The following MYRIP variants were observed in gnomAD, a reference collection of about 807,000 sequenced individuals.
MYRIP encodes the protein myosin VIIA and Rab interacting protein.
In MYRIP, 49 loss-of-function variants were observed where a neutral mutation model predicts 98.0. The ratio of observed to expected loss-of-function variants is 0.50; its 90% CI spans 0.40 to 0.63. The LOEUF (loss-of-function observed/expected upper bound fraction) is 0.63, where lower values mean the gene tolerates loss of function less well. Among genes scored for constraint, MYRIP ranks in the 30% least tolerant of loss-of-function variants. The probability of loss-of-function intolerance (pLI) is 0.00; values close to 1 mark genes in which losing one functional copy is unlikely to be tolerated. For synonymous variants in MYRIP, 404 were observed against 409.5 expected (o/e 0.99, Z 0.16); for missense variants, 1,004 against 1,058.2 (o/e 0.95, Z 0.71).
chr3:39,861,562 A>C (rs1416506811), intron 1 of MYRIP, among the ~76,000 whole-genome samples: 1 of 152,210 alleles, frequency 6.6e-6, no homozygotes, highest in African/African-American at 2.4e-5. Context: ...ATTCAGGAGA[A>C]AGTTGAAACC....
At chr3:39,839,542 G>C (rs1236244649) in intron 1 of MYRIP, among the ~76,000 whole-genome samples, 1 of 152,112 alleles carries the variant, frequency 6.6e-6, no homozygotes, top group Non-Finnish European at 1.5e-5. Flanking sequence ...ACAAGCATGG[G>C]CCACCGCGCC....
intron 2 of MYRIP, among the ~76,000 whole-genome samples, chr3:39,957,853 G>A (rs1322695717): frequency 1.3e-5 from 2 of 152,120 alleles, no homozygotes; most frequent in East Asian, 3.9e-4. Flanking sequence ...AAATCAATGT[G>A]CAACAATCAC....
intron 1 of MYRIP, among the ~76,000 whole-genome samples, chr3:39,827,083 A>G (rs927833763): frequency 1.3e-5 from 2 of 151,992 alleles, no homozygotes; most frequent in Non-Finnish European, 2.9e-5. Flanking sequence ...TACAGCATAT[A>G]GTAGGGTTTT....
chr3:40,134,263 C>T (rs1357813345), intron 3 of MYRIP, among the ~76,000 whole-genome samples: 5 of 152,178 alleles, frequency 3.3e-5, no homozygotes, highest in Admixed American at 3.3e-4. Context: ...GAGGGTCCTA[C>T]ACCCACGGAG....
At chr3:39,920,880 C>T (rs1035775825) in intron 2 of MYRIP, among the ~76,000 whole-genome samples, 1 of 152,180 alleles carries the variant, frequency 6.6e-6, no homozygotes, top group Non-Finnish European at 1.5e-5. Context: ...AAGGGCCAGT[C>T]CTCCTATACC....
At chr3:40,175,771 G>C (rs1035153743) in intron 8 of MYRIP, among the ~76,000 whole-genome samples, 1 of 152,258 alleles carries the variant, frequency 6.6e-6, no homozygotes, top group Non-Finnish European at 1.5e-5. Flanking sequence ...TGCCAGGAGA[G>C]TGAACCCAAA....
At chr3:40,212,519 A>T (rs552858186) in intron 11 of MYRIP, among the ~76,000 whole-genome samples, 1 of 152,150 alleles carries the variant, frequency 6.6e-6, no homozygotes, top group Non-Finnish European at 1.5e-5. Flanking sequence ...CCATAATCCC[A>T]GCACTTTGGG....
chr3:40,197,530 G>A (rs963606686), intron 10 of MYRIP, among the ~76,000 whole-genome samples: 1 of 152,230 alleles, frequency 6.6e-6, no homozygotes, highest in African/African-American at 2.4e-5. Context: ...TAATGCAAGT[G>A]TAATTCTGTA....
At chr3:40,019,789 A>G (rs1946951099) in intron 2 of MYRIP, among the ~76,000 whole-genome samples, 1 of 152,128 alleles carries the variant, frequency 6.6e-6, no homozygotes, top group Admixed American at 6.6e-5. Context: ...CATTAGCACA[A>G]TACCATTACC....
chr3:39,820,382 T>TTTG (rs1575271639), intron 1 of MYRIP, among the ~76,000 whole-genome samples: 1 of 151,008 alleles, frequency 6.6e-6, no homozygotes, highest in African/African-American at 2.4e-5. Context: ...TACATGATGG[T>TTTG]TTTGTTTGTT....
intron 2 of MYRIP, chr3:39,970,121 A>T (rs548122516): frequency 6.6e-6 from 1 of 152,028 alleles, no homozygotes; most frequent in South Asian, 2.1e-4. Flanking sequence ...TTAACAATAG[A>T]TGGAGCTTCA....
intron 1 of MYRIP, among the ~76,000 whole-genome samples, chr3:39,852,361 C>A (rs549900111): frequency 9.1e-4 from 139 of 152,300 alleles, no homozygotes; most frequent in South Asian, 3.9e-3. Flanking sequence ...AATGACAGGC[C>A]TCAGCCTGTG....
intron 3 of MYRIP, among the ~76,000 whole-genome samples, chr3:40,068,299 A>G (rs1055065122): frequency 1.3e-5 from 2 of 152,242 alleles, no homozygotes; most frequent in African/African-American, 4.8e-5. Context: ...ACCAATGTCA[A>G]GTTCTCTCAT....
At chr3:40,040,842 GA>G (rs1947497413) in intron 2 of MYRIP, among the ~76,000 whole-genome samples, 1 of 47,452 alleles carries the variant, frequency 2.1e-5, no homozygotes, top group Non-Finnish European at 4.9e-5. Flanking sequence ...GGGGTCGGGG[GA>G]GGGGGGAGGG....
intron 3 of MYRIP, among the ~76,000 whole-genome samples, chr3:40,077,523 G>T (rs1330762713): frequency 6.7e-6 from 1 of 150,158 alleles, no homozygotes; most frequent in Non-Finnish European, 1.5e-5. Context: ...TGGACACAAA[G>T]GTTCTCCAAG....
In MYRIP at chr3:40,134,022, CGGACAGTGGGTGCA is replaced by C. The variant is rs1949704857; in HGVS notation, c.333-17018_333-17005del. 2.6e-5 allele frequency among the ~76,000 whole-genome samples: 4 copies of C among 152,290 alleles called. No homozygotes were observed. In the South Asian group the frequency reaches 8.3e-4, roughly 32 times the overall value. On this transcript the variant is annotated intron_variant, in intron 3 of 16. Coordinates refer to ENST00000302541, the MANE Select transcript of MYRIP (RefSeq NM_015460.4). ...CTGGGTTCATCTCACTGGGGAGTGCCGGACAGTGGGTGCAGGACAGTTGGTGGTGCAGTGCACCC... is the reference window on the plus strand; with the variant it reads ...CTGGGTTCATCTCACTGGGGAGTGCCGGACAGTTGGTGGTGCAGTGCACCC...
chr3:40,107,974 C>T (rs1015200962), intron 3 of MYRIP, among the ~76,000 whole-genome samples: 1 of 152,162 alleles, frequency 6.6e-6, no homozygotes, highest in Admixed American at 6.5e-5. Flanking sequence ...ATCCGTGTCC[C>T]ACATTTGAGA....
chr3:39,976,596 A>G (rs1184965127), intron 2 of MYRIP, among the ~76,000 whole-genome samples: 2 of 152,296 alleles, frequency 1.3e-5, no homozygotes, highest in East Asian at 1.9e-4. Flanking sequence ...ACATGCACAC[A>G]TATGTTTATT....
intron 2 of MYRIP, among the ~76,000 whole-genome samples, chr3:39,998,676 A>T (rs1245345585): frequency 1.3e-5 from 2 of 152,124 alleles, no homozygotes; most frequent in East Asian, 3.9e-4. Flanking sequence ...TGGAAAAACT[A>T]CTTTAAAGTT....
Sources: allele counts gnomAD v4.1 joint callset (sites outside exome capture counted in the v4.1 genomes callset), GRCh38; gene constraint gnomAD v4.1.1; transcripts MANE v1.5; gene names NCBI Gene and HGNC (gene_info 2026-07-23, HGNC 2026-07-21).